CMIP: variants seen among roughly 807,000 people sequenced by gnomAD.
The protein encoded by CMIP is C-Maf-inducing protein.
CMIP carries 13 observed loss-of-function variants against 97.3 expected under a neutral mutation model. That is an observed-to-expected ratio of 0.13 (90% CI 0.09 to 0.21). The LOEUF (loss-of-function observed/expected upper bound fraction) is 0.21. Ranked by LOEUF, CMIP falls within the 10% of genes least tolerant of loss-of-function variation. CMIP has a pLI of 1.00. For missense variants in CMIP, 847 were observed against 1,024.9 expected (o/e 0.83, Z 2.37); for synonymous variants, 538 against 436.3 (o/e 1.23, Z -2.91).
At chr16:81,502,592 G>A (rs2089633410) in intron 1 of CMIP, among the ~76,000 whole-genome samples, 1 of 152,180 alleles carries the variant, frequency 6.6e-6, no homozygotes, top group South Asian at 2.1e-4. Context: ...GGGCGAGGAT[G>A]GGGAGGACTC....
At chr16:81,598,968 C>CAAAAA (rs141717317) in intron 1 of CMIP, among the ~76,000 whole-genome samples, 846 of 49,800 alleles carry the variant, frequency 0.017, 76 homozygotes, top group African/African-American at 0.063. Context: ...GACTCTGTCT[C>CAAAAA]AAAAAAAAAA....
At chr16:81,646,975 A>G (rs1052265489) in intron 3 of CMIP, among the ~76,000 whole-genome samples, 7 of 152,170 alleles carry the variant, frequency 4.6e-5, no homozygotes, top group Non-Finnish European at 1.0e-4. Flanking sequence ...ATTTCTAGGA[A>G]CAGAATTGCT....
At chr16:81,649,102 C>T (rs941756569) in intron 3 of CMIP, among the ~76,000 whole-genome samples, 3 of 152,238 alleles carry the variant, frequency 2.0e-5, no homozygotes, top group African/African-American at 7.2e-5. Flanking sequence ...GACAAGCCCC[C>T]AACTCATGGG....
At chr16:81,641,235 C>G (rs1038824366) in intron 3 of CMIP, among the ~76,000 whole-genome samples, 16 of 152,138 alleles carry the variant, frequency 1.1e-4, no homozygotes, top group Non-Finnish European at 1.5e-5. Flanking sequence ...AAAGCAGCAC[C>G]TAACGCATGT....
At chr16:81,579,505 C>A (rs2091259140) in intron 1 of CMIP, among the ~76,000 whole-genome samples, 1 of 152,154 alleles carries the variant, frequency 6.6e-6, no homozygotes, top group East Asian at 1.9e-4. Flanking sequence ...CCAGCAGAAC[C>A]CTGCCAGGCC....
intron 1 of CMIP, among the ~76,000 whole-genome samples, chr16:81,559,942 G>A (rs113956950): frequency 0.012 from 1,900 of 152,072 alleles, 53 homozygotes; most frequent in African/African-American, 0.043. Flanking sequence ...GAGGTCAGGA[G>A]TTCGAGACCA....
At chr16:81,615,473 TTG>T (rs1409068016) in intron 2 of CMIP, among the ~76,000 whole-genome samples, 2 of 133,204 alleles carry the variant, frequency 1.5e-5, no homozygotes, top group African/African-American at 2.9e-5. Context: ...GTATGTGTAT[TTG>T]TGTGTGTGGT....
intron 3 of CMIP, among the ~76,000 whole-genome samples, chr16:81,639,570 CGT>C (rs1278699781): frequency 6.6e-6 from 1 of 152,190 alleles, no homozygotes; most frequent in African/African-American, 2.4e-5. Flanking sequence ...GTGTGGCCTG[CGT>C]CAGGATTTCC....
intron 1 of CMIP, among the ~76,000 whole-genome samples, chr16:81,601,270 G>A (rs779443879): frequency 7.2e-5 from 11 of 152,206 alleles, no homozygotes; most frequent in Admixed American, 1.3e-4. Flanking sequence ...CAGCCTGGAC[G>A]TCATGATTCG....
intron 1 of CMIP, among the ~76,000 whole-genome samples, chr16:81,452,161 AG>A (rs1906258559): frequency 6.6e-6 from 1 of 152,168 alleles, no homozygotes; most frequent in Non-Finnish European, 1.5e-5. Context: ...GTGTGCAGTG[AG>A]GCCACAGGAA....
At chr16:81,446,861 C>T (rs1450102905) in intron 1 of CMIP, among the ~76,000 whole-genome samples, 1 of 124,204 alleles carries the variant, frequency 8.1e-6, no homozygotes, top group East Asian at 2.9e-4. Flanking sequence ...CCCCCCACCC[C>T]AGAGCGTTGC....
chr16:81,456,685 G>A (rs1906568984), intron 1 of CMIP, among the ~76,000 whole-genome samples: 1 of 152,196 alleles, frequency 6.6e-6, no homozygotes, highest in Non-Finnish European at 1.5e-5. Flanking sequence ...GTGGAGCGAG[G>A]ATTTGACCCC....
At chr16:81,503,550 C>T (rs565284025) in intron 1 of CMIP, among the ~76,000 whole-genome samples, 15 of 152,334 alleles carry the variant, frequency 9.8e-5, no homozygotes, top group African/African-American at 3.6e-4. Flanking sequence ...ATACATGCCA[C>T]TGCACCTGGC....
At chr16:81,693,068 T>G (rs1906280628) in intron 11 of CMIP, 90 bp from the exon 12 acceptor site, 3 of 912,988 alleles carry the variant, frequency 3.3e-6, no homozygotes, top group Non-Finnish European at 5.3e-6. Flanking sequence ...AGACATAAAG[T>G]CTAGACGTCC....
At chr16:81,538,973 C>T (rs1003368800) in intron 1 of CMIP, among the ~76,000 whole-genome samples, 14 of 152,134 alleles carry the variant, frequency 9.2e-5, no homozygotes, top group Non-Finnish European at 8.8e-5. Flanking sequence ...AGGCTATTTA[C>T]AAGTTCACTG....
chr16:81,585,680 C>G (rs1050160477), intron 1 of CMIP, among the ~76,000 whole-genome samples: 2 of 126,784 alleles, frequency 1.6e-5, no homozygotes, highest in Admixed American at 8.4e-5. Context: ...TGGCACAGTA[C>G]CTTTTGGCCA....
intron 1 of CMIP, among the ~76,000 whole-genome samples, chr16:81,455,318 G>A (rs186777710): frequency 1.3e-5 from 2 of 152,324 alleles, no homozygotes; most frequent in African/African-American, 4.8e-5. Flanking sequence ...TCAGTGATCC[G>A]TACAACCCAG....
chr16:81,506,473 G>C (rs1196341254), intron 1 of CMIP, among the ~76,000 whole-genome samples: 1 of 152,196 alleles, frequency 6.6e-6, no homozygotes, highest in Non-Finnish European at 1.5e-5. Context: ...GTTTTTTAAA[G>C]AAACTGGCCT....
intron 1 of CMIP, among the ~76,000 whole-genome samples, chr16:81,582,820 A>G (rs1260635256): frequency 6.6e-6 from 1 of 152,220 alleles, no homozygotes; most frequent in Non-Finnish European, 1.5e-5. Context: ...CGGAATGCCC[A>G]ACAGCACAAA....
Sources: gnomAD v4.1 joint callset for allele counts (sites outside exome capture counted in the v4.1 genomes callset) on GRCh38, gnomAD v4.1.1 for gene constraint, MANE v1.5 for transcripts, NCBI Gene and HGNC (gene_info 2026-07-23, HGNC 2026-07-21) for gene names.